The following MAGI1 variants were observed in gnomAD, a reference collection of about 807,000 sequenced individuals.
MAGI1 encodes membrane-associated guanylate kinase, WW and PDZ domain-containing protein 1.
MAGI1 carries 58 observed loss-of-function variants against 139.9 expected under a neutral mutation model. The observed-to-expected ratio is 0.41, with a 90% CI of 0.34 to 0.52. The LOEUF is 0.52. Among genes scored for constraint, MAGI1 ranks in the 20% least tolerant of loss-of-function variants. The pLI, the probability that MAGI1 is intolerant of heterozygous loss-of-function variation, is 0.12. For synonymous variants in MAGI1, 812 were observed against 737.9 expected (o/e 1.10, Z -1.63); for missense variants, 1,874 against 1,901.6 (o/e 0.99, Z 0.27).
intron 2 of MAGI1, chr3:65,619,835 T>C: frequency 7.1e-6 from 7 of 983,640 alleles, no homozygotes; most frequent in Non-Finnish European, 8.5e-6. Context: ...GAAGAAAGTG[T>C]AAAATGAATT....
intron 1 of MAGI1, among the ~76,000 whole-genome samples, chr3:65,626,455 G>C (rs112836184): frequency 0.05 from 7,643 of 152,204 alleles, 364 homozygotes; most frequent in African/African-American, 0.13. Context: ...CTGCCAAGTA[G>C]CTGGGACTAC....
intron 1 of MAGI1, among the ~76,000 whole-genome samples, chr3:66,017,125 T>C (rs1256546179): frequency 6.6e-6 from 1 of 152,240 alleles, no homozygotes; most frequent in African/African-American, 2.4e-5. Context: ...GTTAATTTTA[T>C]GTTATGTTAC....
At chr3:65,521,858 T>A (rs1030764482) in intron 2 of MAGI1, among the ~76,000 whole-genome samples, 2 of 152,236 alleles carry the variant, frequency 1.3e-5, no homozygotes, top group Non-Finnish European at 2.9e-5. Flanking sequence ...TTTGCTATTT[T>A]AAATTATAAT....
chr3:65,547,994 T>C (rs751020679), intron 2 of MAGI1, among the ~76,000 whole-genome samples: 7 of 152,188 alleles, frequency 4.6e-5, no homozygotes, highest in South Asian at 2.1e-4. Flanking sequence ...AATGAAGTAA[T>C]TGAGGAACTC....
intron 1 of MAGI1, among the ~76,000 whole-genome samples, chr3:65,833,225 T>C (rs933227817): frequency 6.6e-6 from 1 of 151,966 alleles, no homozygotes; most frequent in African/African-American, 2.4e-5. Flanking sequence ...TTCAAGAGAT[T>C]CTCCTACCTA....
At chr3:65,655,997 C>T (rs764745323) in intron 1 of MAGI1, among the ~76,000 whole-genome samples, 1 of 152,094 alleles carries the variant, frequency 6.6e-6, no homozygotes, top group Non-Finnish European at 1.5e-5. Flanking sequence ...ACTGATAACC[C>T]AGAAAGCTCT....
At chr3:65,580,441 C>T (rs1007821853) in intron 2 of MAGI1, among the ~76,000 whole-genome samples, 7 of 151,966 alleles carry the variant, frequency 4.6e-5, no homozygotes, top group African/African-American at 1.7e-4. Flanking sequence ...CAAATCGATA[C>T]ACAGTGACCC....
At chr3:65,539,529 G>T (rs969544082) in intron 2 of MAGI1, among the ~76,000 whole-genome samples, 9 of 152,166 alleles carry the variant, frequency 5.9e-5, no homozygotes, top group Admixed American at 2.6e-4. Context: ...AAACAAAAAA[G>T]ATGCCTGTGT....
At chr3:65,693,198 G>GC (rs2088836244) in intron 1 of MAGI1, among the ~76,000 whole-genome samples, 3 of 152,142 alleles carry the variant, frequency 2.0e-5, no homozygotes, top group Admixed American at 2.0e-4. Flanking sequence ...TCCCGCCTCA[G>GC]CCTCCCAAAG....
chr3:65,613,655 A>G (rs2106963004), intron 2 of MAGI1, among the ~76,000 whole-genome samples: 1 of 152,340 alleles, frequency 6.6e-6, no homozygotes, highest in Non-Finnish European at 1.5e-5. Flanking sequence ...AAGAAATACA[A>G]AGAAACAGAA....
intron 13 of MAGI1, among the ~76,000 whole-genome samples, chr3:65,400,751 T>A (rs994242822): frequency 5.3e-4 from 3 of 5,616 alleles, no homozygotes. Context: ...AAAACATTGA[T>A]TTTTTTTTTT....
At chr3:65,634,539 C>T (rs1325750266) in intron 1 of MAGI1, among the ~76,000 whole-genome samples, 3 of 152,212 alleles carry the variant, frequency 2.0e-5, no homozygotes, top group Non-Finnish European at 4.4e-5. Flanking sequence ...TGCTGAACTT[C>T]TCTGAGCCTC....
chr3:65,528,043 T>C (rs1576194836), intron 2 of MAGI1, among the ~76,000 whole-genome samples: 3 of 152,224 alleles, frequency 2.0e-5, no homozygotes, highest in East Asian at 3.9e-4. Context: ...TTTTTTTCAG[T>C]TGGGTGAAAG....
Position 65,760,404 on chromosome 3 carries a change from T to A in MAGI1, c.314-138316A>T, listed in dbSNP as rs552686484. ...AGAGCGGTAATTTTTTTTTTTTTTT[T>A]AAGAGATGGGGTCTTGTTCTGTCAC... On this transcript the variant is annotated intron_variant, in intron 1 of 22. Coordinates refer to ENST00000402939, the MANE Select transcript of MAGI1 (RefSeq NM_001033057.2). Among the ~76,000 whole-genome samples, 8 of 147,456 alleles carry A rather than the reference T, an allele frequency of 5.4e-5. No individual in the cohort carries two copies. The East Asian group carries it at 6.2e-4, about 11-fold the overall frequency.
At chr3:65,394,006 G>A (rs1363655563) in intron 13 of MAGI1, among the ~76,000 whole-genome samples, 1 of 152,104 alleles carries the variant, frequency 6.6e-6, no homozygotes, top group Non-Finnish European at 1.5e-5. Flanking sequence ...TACTGGACCT[G>A]TCTCCCAGAG....
rs17073902 is a variant in MAGI1 at position 65,827,522 on chromosome 3, A to G, written c.314-205434T>C. ...CACACAGCTAGTTAACAACACAGCC[A>G]AACTGCTCTTGCTCCGAAGCCCACT... On this transcript the variant is annotated intron_variant, in intron 1 of 22. Transcript: ENST00000402939. Among the ~76,000 whole-genome samples the G allele has an allele frequency of 0.021, 3,259 of 152,316 alleles. 227 individuals are homozygous for G. In the South Asian group the frequency reaches 0.22, roughly 10 times the overall value.
intron 2 of MAGI1, among the ~76,000 whole-genome samples, chr3:65,539,810 C>G (rs1421526318): frequency 1.3e-5 from 2 of 152,152 alleles, no homozygotes; most frequent in Admixed American, 1.3e-4. Flanking sequence ...TCTAATTAAC[C>G]TTTCACCACA....
intron 2 of MAGI1, among the ~76,000 whole-genome samples, chr3:65,511,159 A>G (rs1209841866): frequency 1.3e-5 from 2 of 150,332 alleles, no homozygotes; most frequent in Non-Finnish European, 3.0e-5. Flanking sequence ...AGGAAGCGCT[A>G]AACATGGAAA....
chr3:65,558,949 T>C (rs545876175), intron 2 of MAGI1, among the ~76,000 whole-genome samples: 1 of 152,282 alleles, frequency 6.6e-6, no homozygotes, highest in African/African-American at 2.4e-5. Flanking sequence ...GTAACTTCAT[T>C]CTCAAGTACT....
Sources: gnomAD v4.1 joint callset for allele counts (sites outside exome capture counted in the v4.1 genomes callset) on GRCh38, gnomAD v4.1.1 for gene constraint, MANE v1.5 for transcripts, NCBI Gene and HGNC (gene_info 2026-07-23, HGNC 2026-07-21) for gene names.